TTC39B: variants seen among roughly 807,000 people sequenced by gnomAD.
TTC39B encodes tetratricopeptide repeat domain 39B, also known as tetratricopeptide repeat protein 39B.
TTC39B carries 92 observed loss-of-function variants against 96.6 expected under a neutral mutation model. The observed-to-expected ratio is 0.95, with a 90% CI of 0.80 to 1.13. The LOEUF (loss-of-function observed/expected upper bound fraction) is 1.13. TTC39B is among the 50% of genes most tolerant of loss of function. The pLI is 0.00. For missense variants in TTC39B, 955 were observed against 809.3 expected (o/e 1.18, Z -2.18); for synonymous variants, 367 against 299.4 (o/e 1.23, Z -2.33).
chr9:15,175,110 A>G (rs1332111398), exon 19 of TTC39B: 3 of 1,613,124 alleles, frequency 1.9e-6, no homozygotes, highest in Admixed American at 3.3e-5. Flanking sequence ...GGCACTAGGT[A>G]GTGGTCATAC....
intron 3 of TTC39B, among the ~76,000 whole-genome samples, chr9:15,219,976 C>G (rs1820755051): frequency 6.6e-6 from 1 of 152,166 alleles, no homozygotes; most frequent in African/African-American, 2.4e-5. Context: ...CCAACATAGT[C>G]TTTGTGAATA....
chr9:15,202,025 A>G (rs949714556), intron 7 of TTC39B, among the ~76,000 whole-genome samples: 5 of 152,210 alleles, frequency 3.3e-5, no homozygotes, highest in African/African-American at 1.2e-4. Context: ...GTAGATAAGC[A>G]CTTCTTCTAG....
In TTC39B at chr9:15,189,799, A is replaced by AT. The variant is rs1485938276; in HGVS notation, c.1106-8dup. 3.1e-6 allele frequency: 5 copies of AT among 1,596,124 alleles called. No individual in the cohort carries two copies. Reference sequence around the variant, plus strand: ...ACATTCACTTCTCCTGTACCTAGAAATTTAACAGGAAAAGACTCAGTCTTC... The same window carrying AT: ...ACATTCACTTCTCCTGTACCTAGAAATTTTAACAGGAAAAGACTCAGTCTTC... On this transcript the variant is annotated splice_region_variant and splice_polypyrimidine_tract_variant and intron_variant, in intron 11 of 19. Transcript: ENST00000512701.
At chr9:15,239,081 C>A (rs1821918509) in intron 2 of TTC39B, among the ~76,000 whole-genome samples, 1 of 151,924 alleles carries the variant, frequency 6.6e-6, no homozygotes, top group African/African-American at 2.4e-5. Flanking sequence ...AGAAACAACA[C>A]CATTAAAAAC....
chr9:15,296,743 T>A (rs1019150524), intron 1 of TTC39B, among the ~76,000 whole-genome samples: 1 of 152,204 alleles, frequency 6.6e-6, no homozygotes, highest in East Asian at 1.9e-4. Flanking sequence ...GATACCCCCC[T>A]GCCTCGGCCT....
At chr9:15,240,961 A>G (rs1182589811) in intron 2 of TTC39B, among the ~76,000 whole-genome samples, 1 of 152,212 alleles carries the variant, frequency 6.6e-6, no homozygotes, top group Non-Finnish European at 1.5e-5. Flanking sequence ...CTGGTCCTTC[A>G]TGCATCTACC....
exon 20 of TTC39B, chr9:15,168,444 G>A (rs1472084414): frequency 6.8e-6 from 1 of 147,060 alleles, no homozygotes; most frequent in Non-Finnish European, 1.5e-5. Context: ...GAAATGGAGG[G>A]AAATGAATGA....
intron 2 of TTC39B, among the ~76,000 whole-genome samples, chr9:15,256,971 T>C (rs1231000459): frequency 2.0e-5 from 3 of 152,170 alleles, no homozygotes; most frequent in Non-Finnish European, 2.9e-5. Context: ...TCCCATTTAA[T>C]TTCTAAAAGG....
intron 1 of TTC39B, among the ~76,000 whole-genome samples, chr9:15,297,193 T>A (rs557828117): frequency 6.6e-6 from 1 of 152,292 alleles, no homozygotes; most frequent in Non-Finnish European, 1.5e-5. Context: ...TGCTGTTCCC[T>A]CTGCCTGAAG....
intron 1 of TTC39B, among the ~76,000 whole-genome samples, chr9:15,270,095 A>G (rs1465158021): frequency 6.6e-6 from 1 of 152,030 alleles, no homozygotes; most frequent in African/African-American, 2.4e-5. Context: ...ACTTGAACTC[A>G]GGAGGCGGAG....
At chr9:15,202,059 C>T (rs1001727228) in intron 7 of TTC39B, among the ~76,000 whole-genome samples, 5 of 152,160 alleles carry the variant, frequency 3.3e-5, no homozygotes, top group African/African-American at 9.7e-5. Context: ...AGAGACGGAG[C>T]TGCACAATCT....
intron 3 of TTC39B, among the ~76,000 whole-genome samples, chr9:15,218,871 T>G (rs1392783283): frequency 6.6e-6 from 1 of 152,160 alleles, no homozygotes; most frequent in Non-Finnish European, 1.5e-5. Flanking sequence ...ACTGAAACTG[T>G]GATCCTAGAG....
intron 1 of TTC39B, among the ~76,000 whole-genome samples, chr9:15,286,496 C>A (rs1231789656): frequency 6.6e-6 from 1 of 152,198 alleles, no homozygotes; most frequent in Non-Finnish European, 1.5e-5. Flanking sequence ...TCTCCTTCCA[C>A]CTGTGATGTT....
rs770260714 is a variant in TTC39B at position 15,177,667 on chromosome 9, A to G, written c.1841+30T>C. 2.0e-6 allele frequency: 3 copies of G among 1,477,246 alleles called. No homozygotes were observed. The African/African-American group carries it at 4.2e-5, about 21-fold the overall frequency. The allele number at this position is 1,477,246 out of a possible 1,614,324, so 91.5% of individuals were successfully genotyped here. A position where few individuals can be genotyped will look rare whatever the true frequency, so the allele number is the denominator to read the frequency against. On this transcript the variant is annotated intron_variant, in intron 18 of 19. Transcript: ENST00000512701. ...CAATTCCCCAGAAACCACAATTTGC[A>G]CTTGGGCTGGTTTTATTGTTTGGTC...
At chr9:15,219,459 G>GT (rs1382317743) in intron 3 of TTC39B, among the ~76,000 whole-genome samples, 3 of 151,968 alleles carry the variant, frequency 2.0e-5, no homozygotes, top group Non-Finnish European at 4.4e-5. Flanking sequence ...TGATTAAAAG[G>GT]TAAAAAAGGG....
At chr9:15,247,002 T>A (rs1213939388) in intron 2 of TTC39B, among the ~76,000 whole-genome samples, 1 of 152,248 alleles carries the variant, frequency 6.6e-6, no homozygotes, top group Admixed American at 6.5e-5. Context: ...TACTGCATCA[T>A]GAGAAACAAA....
intron 1 of TTC39B, among the ~76,000 whole-genome samples, chr9:15,286,307 T>G (rs868761934): frequency 6.6e-6 from 1 of 152,238 alleles, no homozygotes; most frequent in African/African-American, 2.4e-5. Context: ...ACAGCCCTTA[T>G]GTTTTATGAT....
At chr9:15,280,781 T>C (rs1376905989) in intron 1 of TTC39B, among the ~76,000 whole-genome samples, 1 of 152,110 alleles carries the variant, frequency 6.6e-6, no homozygotes, top group Non-Finnish European at 1.5e-5. Context: ...TTAGCTTGAG[T>C]CTGGTCCTTC....
intron 6 of TTC39B, among the ~76,000 whole-genome samples, chr9:15,208,685 T>A (rs376867471): frequency 3.9e-5 from 6 of 152,294 alleles, no homozygotes; most frequent in African/African-American, 1.4e-4. Flanking sequence ...AAAAAGATGA[T>A]GGGTTTCAGC....
Sources: gnomAD v4.1 joint callset for allele counts (sites outside exome capture counted in the v4.1 genomes callset) on GRCh38, gnomAD v4.1.1 for gene constraint, MANE v1.5 for transcripts, NCBI Gene and HGNC (gene_info 2026-07-23, HGNC 2026-07-21) for gene names.